CMIP: variants seen among roughly 807,000 people sequenced by gnomAD.
CMIP encodes the protein c-Maf inducing protein.
CMIP carries 13 observed loss-of-function variants against 97.3 expected under a neutral mutation model. That is an observed-to-expected ratio of 0.13 (90% CI 0.09 to 0.21). The LOEUF is 0.21. CMIP is among the 10% of genes least tolerant of loss of function. The pLI is 1.00. For synonymous variants in CMIP, 538 were observed against 436.3 expected, an observed-to-expected ratio of 1.23 and a Z score of -2.91; for missense variants, 847 against 1,024.9, an observed-to-expected ratio of 0.83 and a Z score of 2.37.
chr16:81,458,670 C>G (rs919240059), intron 1 of CMIP, among the ~76,000 whole-genome samples: 1 of 152,170 alleles, frequency 6.6e-6, no homozygotes, highest in Non-Finnish European at 1.5e-5. Flanking sequence ...CTGCCCAGGT[C>G]AGTCCTTCCC....
intron 3 of CMIP, among the ~76,000 whole-genome samples, chr16:81,647,408 G>C (rs771756038): frequency 6.6e-6 from 1 of 152,010 alleles, no homozygotes; most frequent in Non-Finnish European, 1.5e-5. Context: ...TGGTCTCATC[G>C]AACAAAAACA....
chr16:81,473,890 C>T (rs973930694), intron 1 of CMIP, among the ~76,000 whole-genome samples: 5 of 150,884 alleles, frequency 3.3e-5, no homozygotes, highest in Admixed American at 2.6e-4. Flanking sequence ...TAAAAAGTTC[C>T]GGATATCCAT....
At chr16:81,552,037 G>A (rs892033015) in intron 1 of CMIP, among the ~76,000 whole-genome samples, 1 of 152,222 alleles carries the variant, frequency 6.6e-6, no homozygotes, top group African/African-American at 2.4e-5. Flanking sequence ...CAGGGGCAGG[G>A]AGGACTGGGG....
intron 2 of CMIP, 138 bp from the exon 3 acceptor site, chr16:81,620,738 C>A (rs1334739376): frequency 2.0e-6 from 2 of 978,950 alleles, no homozygotes; most frequent in African/African-American, 1.6e-5. Flanking sequence ...CTTAGCATAT[C>A]TTTCAGCAGG....
intron 10 of CMIP, among the ~76,000 whole-genome samples, chr16:81,688,237 C>T (rs745379627): frequency 2.0e-5 from 3 of 152,122 alleles, no homozygotes; most frequent in Admixed American, 6.5e-5. Context: ...TGACCTCTCC[C>T]GCTGTCTCTG....
intron 1 of CMIP, among the ~76,000 whole-genome samples, chr16:81,516,669 G>A (rs1261382560): frequency 6.6e-6 from 1 of 152,226 alleles, no homozygotes; most frequent in Non-Finnish European, 1.5e-5. Flanking sequence ...TGGGCTGATA[G>A]CTTTAGTTGT....
intron 1 of CMIP, among the ~76,000 whole-genome samples, chr16:81,449,512 C>T (rs1906073096): frequency 6.6e-6 from 1 of 152,212 alleles, no homozygotes; most frequent in Non-Finnish European, 1.5e-5. Context: ...AATCTATGTC[C>T]TCCAGGGTAG....
At chr16:81,465,152 G>A (rs1907125965) in intron 1 of CMIP, among the ~76,000 whole-genome samples, 1 of 152,194 alleles carries the variant, frequency 6.6e-6, no homozygotes, top group South Asian at 2.1e-4. Context: ...AGCACAGTTA[G>A]ATAACGCAAA....
At chr16:81,552,536 G>GC (rs2150858847) in intron 1 of CMIP, among the ~76,000 whole-genome samples, 1 of 152,148 alleles carries the variant, frequency 6.6e-6, no homozygotes, top group South Asian at 2.1e-4. Flanking sequence ...TGGCTTCTTG[G>GC]CCCCTTCCTC....
At chr16:81,459,023 A>G (rs529164631) in intron 1 of CMIP, among the ~76,000 whole-genome samples, 1 of 135,010 alleles carries the variant, frequency 7.4e-6, no homozygotes, top group East Asian at 2.0e-4. Context: ...CGTCACCATC[A>G]CTGTCACCAT....
intron 1 of CMIP, among the ~76,000 whole-genome samples, chr16:81,559,862 G>C (rs1292589712): frequency 6.6e-5 from 10 of 152,176 alleles, no homozygotes; most frequent in Non-Finnish European, 1.5e-4. Flanking sequence ...GAAAGGCATT[G>C]TGGGGCTGGG....
chr16:81,676,280 C>T (rs893164621), intron 9 of CMIP, among the ~76,000 whole-genome samples: 1 of 152,028 alleles, frequency 6.6e-6, no homozygotes, highest in African/African-American at 2.4e-5. Flanking sequence ...ACGATGCTGC[C>T]AACACGTTTC....
chr16:81,574,659 A>G (rs1209334057), intron 1 of CMIP, among the ~76,000 whole-genome samples: 1 of 152,200 alleles, frequency 6.6e-6, no homozygotes, highest in African/African-American at 2.4e-5. Flanking sequence ...ACCCTTGCTC[A>G]GTTTTTTCTT....
At chr16:81,612,248 TAGAC>T (rs2091843769) in intron 2 of CMIP, among the ~76,000 whole-genome samples, 1 of 152,132 alleles carries the variant, frequency 6.6e-6, no homozygotes, top group Non-Finnish European at 1.5e-5. Flanking sequence ...CAGCAAAAAT[TAGAC>T]AGAGCCGCTG....
chr16:81,602,674 G>A (rs956530850), intron 1 of CMIP, among the ~76,000 whole-genome samples: 1 of 152,234 alleles, frequency 6.6e-6, no homozygotes, highest in Non-Finnish European at 1.5e-5. Context: ...GAATCATACA[G>A]TATGCCTTAC....
At chr16:81,638,334 G>A (rs2092262479) in intron 3 of CMIP, among the ~76,000 whole-genome samples, 1 of 152,200 alleles carries the variant, frequency 6.6e-6, no homozygotes, top group Non-Finnish European at 1.5e-5. Flanking sequence ...GACCCAGGCA[G>A]GAGTTTGCCT....
chr16:81,454,835 A>G (rs1405836941), intron 1 of CMIP, among the ~76,000 whole-genome samples: 1 of 152,084 alleles, frequency 6.6e-6, no homozygotes, highest in African/African-American at 2.4e-5. Context: ...TTCAGGAAGG[A>G]CTTCTTTGTA....
At chr16:81,482,076 A>G (rs2089233360) in intron 1 of CMIP, among the ~76,000 whole-genome samples, 1 of 151,908 alleles carries the variant, frequency 6.6e-6, no homozygotes, top group East Asian at 1.9e-4. Context: ...ACAGCGTTTC[A>G]CCATGTTGGC....
chr16:81,666,039 C>T (rs1343757827), intron 7 of CMIP: 1 of 152,192 alleles, frequency 6.6e-6, no homozygotes, highest in African/African-American at 2.4e-5. Context: ...GATAGGGACA[C>T]CCTGTGCAGT....
Sources: allele counts gnomAD v4.1 joint callset (sites outside exome capture counted in the v4.1 genomes callset), GRCh38; gene constraint gnomAD v4.1.1; transcripts MANE v1.5; gene names NCBI Gene and HGNC (gene_info 2026-07-23, HGNC 2026-07-21).